Variants in HORMAD1 observed in about 807,000 individuals in gnomAD.
HORMAD1 encodes HORMA domain-containing protein 1.
Under a neutral mutation model 58.2 loss-of-function variants are expected in HORMAD1, and 33 were observed. The ratio of observed to expected loss-of-function variants is 0.57; its 90% CI spans 0.43 to 0.76. The LOEUF (loss-of-function observed/expected upper bound fraction) is 0.76. Ranked by LOEUF, HORMAD1 falls within the 30% of genes least tolerant of loss-of-function variation. HORMAD1 has a pLI of 0.00. For synonymous variants in HORMAD1, 137 were observed against 144.6 expected (o/e 0.95, Z 0.38); for missense variants, 363 against 462.0 (o/e 0.79, Z 1.96).
chr1:150,698,796 G>A, intron 14 of HORMAD1, 62 bp from the exon 15 acceptor site: 1 of 954,402 alleles, frequency 1.0e-6, no homozygotes, highest in Non-Finnish European at 1.6e-6. Flanking sequence ...TTTAATTGTA[G>A]ATTTTTTCAT....
Position 150,700,169 on chromosome 1 carries a change from T to G in HORMAD1, c.1047A>C (p.Gln349His). 1.3e-6 allele frequency: 2 copies of G among 1,575,396 alleles called. No homozygotes were observed. Among genetic ancestry groups the G allele is most frequent in the Non-Finnish European group, 1.7e-6 (2 of 1,145,420 alleles). ...GATTTTCTTTGGAAGATTTTACTGG[T>G]TGATTTCCATTTGCCTCCACAAAGA... ...VFQNKMANGN[Q>H]PVKSSKENRK... Residue 349 changes from glutamine to histidine, a missense_variant, in exon 14 of 15, where the codon CAA becomes CAC. Gln to His is a conservative substitution (Grantham distance 24). Coordinates refer to ENST00000361824, the MANE Select transcript of HORMAD1 (RefSeq NM_032132.5).
intron 6 of HORMAD1, 57 bp downstream of exon 6, chr1:150,711,776 A>T: frequency 8.0e-7 from 1 of 1,249,214 alleles, no homozygotes; most frequent in Non-Finnish European, 1.2e-6. Context: ...TCATTTAATT[A>T]AGCAAGGCCA....
At chr1:150,710,425 A>G (rs1294922534) in intron 7 of HORMAD1, among the ~76,000 whole-genome samples, 2 of 152,250 alleles carry the variant, frequency 1.3e-5, no homozygotes, top group African/African-American at 4.8e-5. Flanking sequence ...ATATTCACAA[A>G]TGGGATAATT....
chr1:150,698,596 G>T lies in HORMAD1; in HGVS notation c.*58C>A. ...TCAGAGTTAGGGAAATATAATATAG[G>T]GTCCTTCAGTTTAAATGGTGAGAAG... On this transcript the variant is annotated 3_prime_UTR_variant, in exon 15 of 15. Transcript: ENST00000361824. 2 of 864,500 alleles carry T rather than the reference G, an allele frequency of 2.3e-6. No individual in the cohort carries two copies. Among genetic ancestry groups the T allele is most frequent in the South Asian group, 1.5e-5 (1 of 66,412 alleles). The allele number at this position is 864,500 out of a possible 1,614,324, so 53.6% of individuals were successfully genotyped here.
At chr1:150,699,692 T>TG (rs34154301) in intron 14 of HORMAD1, among the ~76,000 whole-genome samples, 54,518 of 145,858 alleles carry the variant, frequency 0.37, 10,281 homozygotes, top group South Asian at 0.53. Context: ...GCCCAGCTAT[T>TG]TTTTTTTTTT....
intron 13 of HORMAD1, 50 bp from the exon 14 acceptor site, chr1:150,700,233 C>A: frequency 1.0e-6 from 1 of 965,836 alleles, no homozygotes; most frequent in Non-Finnish European, 1.7e-6. Flanking sequence ...AAAGAACAGC[C>A]AACACTTGAT....
rs760925336 is a variant in HORMAD1, at chr1:150,715,427, T to C, written c.179-749A>G. ...TCTCTCATATCCTCAGGTACCTTAA[T>C]TGAAAAACAGGTATTTGTAAGACTG... On this transcript the variant is annotated intron_variant, in intron 3 of 14. Coordinates refer to ENST00000361824, the MANE Select transcript of HORMAD1 (RefSeq NM_032132.5). Among the ~76,000 whole-genome samples, 182 of 152,242 alleles carry C rather than the reference T, an allele frequency of 1.2e-3. 2 individuals carry two copies. The highest frequency in any genetic ancestry group is 3.4e-3 in the Middle Eastern group (1 of 294).
intron 3 of HORMAD1, among the ~76,000 whole-genome samples, chr1:150,716,524 G>A (rs1348001798): frequency 6.6e-6 from 1 of 151,930 alleles, no homozygotes; most frequent in African/African-American, 2.4e-5. Context: ...TGTACAGACA[G>A]AAAGTAGATT....
Position 150,711,488 on chromosome 1 carries a change from G to C in HORMAD1, c.327+57C>G, listed in dbSNP as rs920294604. ...ATAAGATATTCTTATATTATGTTTCGTGTTATTTTTAGATATTAGAGGCAT... is the reference window on the plus strand; with the variant it reads ...ATAAGATATTCTTATATTATGTTTCCTGTTATTTTTAGATATTAGAGGCAT... On this transcript the variant is annotated intron_variant, in intron 7 of 14. Transcript: ENST00000361824. 4.6e-6 allele frequency: 5 copies of C among 1,097,414 alleles called. No homozygotes were observed. The African/African-American group carries it at 7.8e-5, about 17-fold the overall frequency. The allele number at this position is 1,097,414 out of a possible 1,614,324, so 68.0% of individuals were successfully genotyped here.
chr1:150,711,808 G>T (rs1309205665), intron 6 of HORMAD1, 25 bp downstream of exon 6: 13 of 1,540,256 alleles, frequency 8.4e-6, no homozygotes, highest in African/African-American at 1.4e-5. Flanking sequence ...ATTAAAAAAA[G>T]AACACACAAT....
intron 2 of HORMAD1, 65 bp from the exon 3 acceptor site, chr1:150,717,347 T>A: frequency 9.5e-7 from 1 of 1,047,488 alleles, no homozygotes; most frequent in Non-Finnish European, 1.3e-6. Flanking sequence ...TCTCTTGACT[T>A]AACATATATC....
intron 7 of HORMAD1, among the ~76,000 whole-genome samples, chr1:150,711,217 A>C (rs587636449): frequency 6.6e-6 from 1 of 152,252 alleles, no homozygotes; most frequent in South Asian, 2.1e-4. Context: ...CTTTCCTAAA[A>C]CTCAAGCCCT....
In HORMAD1 at chr1:150,714,649, TA is replaced by T; in HGVS notation, c.207del (p.Asp69GlufsTer10). 1.4e-6 allele frequency: 2 copies of T among 1,477,384 alleles called. No individual in the cohort carries two copies. Among genetic ancestry groups the T allele is most frequent in the South Asian group, 1.3e-5 (1 of 74,492 alleles). 91.5% of individuals were successfully genotyped at this position (1,477,384 alleles called of 1,614,324 possible). A position where few individuals can be genotyped will look rare whatever the true frequency, so the allele number is the denominator to read the frequency against. On this transcript the variant is annotated frameshift_variant, in exon 4 of 15. Transcript: ENST00000361824. LOFTEE classifies it high-confidence loss of function. ...AACTGTGTAGATCCTGGGCAATTTT[TA>T]TCTTCTCTCAGTATTTTGACACAAA... ...DDLCVKILRE[D>X]KNCPGSTQLV... is the part of the protein sequence containing the mutation.
intron 3 of HORMAD1, among the ~76,000 whole-genome samples, chr1:150,716,831 C>T (rs1412707229): frequency 6.6e-6 from 1 of 151,016 alleles, no homozygotes; most frequent in Non-Finnish European, 1.5e-5. Context: ...GGCGTGGTGG[C>T]GGGCGCCTGT....
Position 150,714,138 on chromosome 1 carries a change from G to T in HORMAD1, c.243-17C>A, listed in dbSNP as rs587703627. The T allele has an allele frequency of 1.2e-5, 17 of 1,465,416 alleles. 1 individual carries two copies. In the South Asian group the frequency reaches 1.6e-4, roughly 14 times the overall value. The allele number at this position is 1,465,416 out of a possible 1,614,324, so 90.8% of individuals were successfully genotyped here. Reference sequence around the variant, plus strand: ...CCTAGCATCCTAAAAAAAAAATCAAGGATTCATTTTTAGACTGAATGCATT... The same window carrying T: ...CCTAGCATCCTAAAAAAAAAATCAATGATTCATTTTTAGACTGAATGCATT... On this transcript the variant is annotated splice_polypyrimidine_tract_variant and intron_variant, in intron 4 of 14. Transcript: ENST00000361824.
intron 7 of HORMAD1, among the ~76,000 whole-genome samples, chr1:150,709,956 G>T (rs775438420): frequency 6.6e-5 from 10 of 152,132 alleles, no homozygotes; most frequent in Admixed American, 2.0e-4. Flanking sequence ...TCACATGTTT[G>T]TTGCTGACCT....
At chr1:150,702,036 T>C (rs995691837) in intron 13 of HORMAD1, 1 of 151,964 alleles carries the variant, frequency 6.6e-6, no homozygotes, top group Non-Finnish European at 1.5e-5. Context: ...CTGACAAAGG[T>C]CTAATATCCA....
intron 5 of HORMAD1, among the ~76,000 whole-genome samples, chr1:150,713,005 A>G (rs371174298): frequency 2.1e-4 from 32 of 152,218 alleles, no homozygotes; most frequent in African/African-American, 7.7e-4. Context: ...AATTGCCCTC[A>G]GTCATATTGG....
intron 1 of HORMAD1, 130 bp from the exon 2 acceptor site, chr1:150,719,668 C>G: frequency 2.0e-6 from 1 of 490,198 alleles, no homozygotes; most frequent in Non-Finnish European, 3.6e-6. Context: ...ATAGAGTCTT[C>G]AAAAACGTAG....
Sources: gnomAD v4.1 joint callset for allele counts (sites outside exome capture counted in the v4.1 genomes callset) on GRCh38, gnomAD v4.1.1 for gene constraint, MANE v1.5 for transcripts, NCBI Gene and HGNC (gene_info 2026-07-23, HGNC 2026-07-21) for gene names.